Variants in CLINT1 observed in about 807,000 individuals in gnomAD.
CLINT1 encodes the protein clathrin interactor 1.
Under a neutral mutation model 70.4 loss-of-function variants are expected in CLINT1, and 15 were observed. The observed-to-expected ratio is 0.21, with a 90% CI of 0.14 to 0.33. The LOEUF (loss-of-function observed/expected upper bound fraction) is 0.33, where lower values mean the gene tolerates loss of function less well. Ranked by LOEUF, CLINT1 falls within the 10% of genes least tolerant of loss-of-function variation. The pLI is 1.00. For missense variants in CLINT1, 615 were observed against 778.1 expected, an observed-to-expected ratio of 0.79 and a Z score of 2.49; for synonymous variants, 227 against 254.7, an observed-to-expected ratio of 0.89 and a Z score of 1.04.
intron 1 of CLINT1, among the ~76,000 whole-genome samples, chr5:157,855,852 T>C (rs1226308156): frequency 6.6e-6 from 1 of 151,950 alleles, no homozygotes; most frequent in African/African-American, 2.4e-5. Context: ...GGAGACTCGC[T>C]TGAACCCCAG....
At chr5:157,825,134 A>G (rs771744383) in intron 1 of CLINT1, among the ~76,000 whole-genome samples, 3 of 152,182 alleles carry the variant, frequency 2.0e-5, no homozygotes, top group Non-Finnish European at 2.9e-5. Flanking sequence ...CCATTCTGCA[A>G]TAACAAGATT....
intron 1 of CLINT1, among the ~76,000 whole-genome samples, chr5:157,846,009 C>T (rs1209171041): frequency 3.9e-5 from 6 of 152,162 alleles, no homozygotes; most frequent in Non-Finnish European, 7.3e-5. Context: ...GTCCTGACTG[C>T]TCCACTGACT....
chr5:157,800,546 C>A (rs945582130), intron 8 of CLINT1, among the ~76,000 whole-genome samples: 1 of 151,994 alleles, frequency 6.6e-6, no homozygotes, highest in South Asian at 2.1e-4. Context: ...AATTTATGTA[C>A]TGATTGAAGA....
chr5:157,797,802 G>A (rs1296514542), intron 8 of CLINT1, among the ~76,000 whole-genome samples: 1 of 152,132 alleles, frequency 6.6e-6, no homozygotes, highest in African/African-American at 2.4e-5. Context: ...GACATACCCT[G>A]TATTTAGTAT....
Position 157,845,328 on chromosome 5 carries a change from G to A in CLINT1, c.41+13602C>T, listed in dbSNP as rs193178489. On this transcript the variant is annotated intron_variant, in intron 1 of 11. Transcript: ENST00000411809. ...CATGCCACTGCACTCCAGCCTGGGCGGCAGAGTAAGCCTCCATCTCAAAAT... is the reference window on the plus strand; with the variant it reads ...CATGCCACTGCACTCCAGCCTGGGCAGCAGAGTAAGCCTCCATCTCAAAAT... Among the ~76,000 whole-genome samples, 85 of 151,780 alleles carry A rather than the reference G, an allele frequency of 5.6e-4. No homozygotes were observed. In the East Asian group the frequency reaches 0.015, roughly 26 times the overall value.
intron 5 of CLINT1, among the ~76,000 whole-genome samples, chr5:157,810,010 G>A (rs1413918809): frequency 6.6e-6 from 1 of 152,148 alleles, no homozygotes; most frequent in Non-Finnish European, 1.5e-5. Context: ...AGATTCAAAA[G>A]CTTTTGTTTA....
intron 8 of CLINT1, among the ~76,000 whole-genome samples, chr5:157,802,878 T>C (rs1762271013): frequency 6.6e-6 from 1 of 152,300 alleles, no homozygotes; most frequent in East Asian, 1.9e-4. Flanking sequence ...AGTTACATAC[T>C]TTCAGAGAAT....
intron 7 of CLINT1, among the ~76,000 whole-genome samples, chr5:157,804,526 A>G (rs1396144412): frequency 6.6e-6 from 1 of 152,198 alleles, no homozygotes; most frequent in Non-Finnish European, 1.5e-5. Flanking sequence ...TGTGATTCCA[A>G]AACACCTTTA....
At chr5:157,824,855 T>C (rs1762987717) in intron 1 of CLINT1, among the ~76,000 whole-genome samples, 1 of 152,194 alleles carries the variant, frequency 6.6e-6, no homozygotes. Flanking sequence ...TCATAGAATA[T>C]AATCTGGTCT....
intron 1 of CLINT1, among the ~76,000 whole-genome samples, chr5:157,838,548 T>C (rs1763511891): frequency 6.6e-6 from 1 of 152,246 alleles, no homozygotes; most frequent in South Asian, 2.1e-4. Flanking sequence ...TTTCTACAAA[T>C]TTTGCAAACG....
At chr5:157,831,890 C>T (rs1763256760) in intron 1 of CLINT1, among the ~76,000 whole-genome samples, 1 of 151,852 alleles carries the variant, frequency 6.6e-6, no homozygotes, top group Admixed American at 6.6e-5. Context: ...CGGGGTTGCA[C>T]CACGTTGGCC....
chr5:157,808,006 G>T (rs894333925), intron 6 of CLINT1, among the ~76,000 whole-genome samples: 2 of 152,094 alleles, frequency 1.3e-5, no homozygotes, highest in African/African-American at 4.8e-5. Flanking sequence ...TCTTTGAAGA[G>T]CTAGAACTTA....
At chr5:157,819,367 TA>T (rs1408670554) in intron 1 of CLINT1, among the ~76,000 whole-genome samples, 14 of 152,126 alleles carry the variant, frequency 9.2e-5, no homozygotes, top group African/African-American at 3.4e-4. Context: ...AAAATAAATA[TA>T]AATTCCTTCC....
At chr5:157,839,087 G>A (rs188954708) in intron 1 of CLINT1, among the ~76,000 whole-genome samples, 1 of 152,146 alleles carries the variant, frequency 6.6e-6, no homozygotes, top group East Asian at 1.9e-4. Flanking sequence ...AAATTGGCCA[G>A]ATGTGGTGGT....
At chr5:157,826,294 C>T (rs906365126) in intron 1 of CLINT1, among the ~76,000 whole-genome samples, 8 of 152,132 alleles carry the variant, frequency 5.3e-5, no homozygotes, top group Non-Finnish European at 5.9e-5. Flanking sequence ...GAATACATAT[C>T]GTCACCAAAG....
At chr5:157,847,385 C>T (rs879828715) in intron 1 of CLINT1, among the ~76,000 whole-genome samples, 8 of 152,174 alleles carry the variant, frequency 5.3e-5, no homozygotes, top group Non-Finnish European at 1.0e-4. Context: ...GTGGTGGGCG[C>T]CTGTAGTCCC....
intron 7 of CLINT1, 123 bp downstream of exon 7, chr5:157,805,743 A>C: frequency 8.3e-7 from 1 of 1,204,670 alleles, no homozygotes; most frequent in Non-Finnish European, 1.2e-6. Context: ...TTGGTAATAC[A>C]TGCCAGATGA....
At chr5:157,821,526 T>C (rs1762879893) in intron 1 of CLINT1, among the ~76,000 whole-genome samples, 2 of 152,242 alleles carry the variant, frequency 1.3e-5, no homozygotes, top group African/African-American at 4.8e-5. Context: ...TCTGTAATTT[T>C]CAGAACAATC....
chr5:157,803,675 C>T lies in CLINT1; in HGVS notation c.987G>A (p.Leu329=), dbSNP rs751937348. ...SSKSSGDLVD[L]FDGTSQSTGG... The stretch of plus-strand genomic sequence containing the variant: ...CTGTTGACTGGCTGGTGCCATCAAA[C>T]AGATCAACAAGGTCACCAGATGACT... The change falls in exon 8 of 12, where the codon CTG becomes CTA. Residue 329 remains leucine, a synonymous_variant. Transcript: ENST00000411809. The T allele has an allele frequency of 3.8e-5, 58 of 1,540,204 alleles. No homozygotes were observed. The Admixed American group carries it at 1.0e-3, about 27-fold the overall frequency.
Sources: allele counts gnomAD v4.1 joint callset (sites outside exome capture counted in the v4.1 genomes callset), GRCh38; gene constraint gnomAD v4.1.1; transcripts MANE v1.5; gene names NCBI Gene and HGNC (gene_info 2026-07-23, HGNC 2026-07-21).